The following NRG3 variants were observed in gnomAD, a reference collection of about 807,000 sequenced individuals.
NRG3 encodes pro-neuregulin-3, membrane-bound isoform.
In NRG3, 31 loss-of-function variants were observed where a neutral mutation model predicts 66.9. The ratio of observed to expected loss-of-function variants is 0.46; its 90% confidence interval spans 0.35 to 0.63. The LOEUF (loss-of-function observed/expected upper bound fraction) is 0.63. Ranked by LOEUF, NRG3 falls within the 20% of genes least tolerant of loss-of-function variation. The pLI is 0.00. For missense variants in NRG3, 910 were observed against 878.9 expected (o/e 1.04, Z -0.45); for synonymous variants, 393 against 359.4 (o/e 1.09, Z -1.06).
At chr10:82,097,383 C>G (rs930556403) in intron 1 of NRG3, among the ~76,000 whole-genome samples, 1 of 146,832 alleles carries the variant, frequency 6.8e-6, no homozygotes, top group Non-Finnish European at 1.5e-5. Context: ...CACACACACA[C>G]ACACACACAC....
chr10:82,008,790 A>G (rs1052536163), intron 1 of NRG3, among the ~76,000 whole-genome samples: 1 of 152,208 alleles, frequency 6.6e-6, no homozygotes, highest in Non-Finnish European at 1.5e-5. Flanking sequence ...TGGACCCACT[A>G]ACATCACCAG....
At chr10:81,890,912 T>A (rs546694340) in intron 1 of NRG3, among the ~76,000 whole-genome samples, 5 of 152,194 alleles carry the variant, frequency 3.3e-5, no homozygotes, top group African/African-American at 1.2e-4. Flanking sequence ...TTCTCACATT[T>A]CCCCAGATGT....
At chr10:82,648,174 T>C (rs994070948) in intron 2 of NRG3, among the ~76,000 whole-genome samples, 7 of 152,206 alleles carry the variant, frequency 4.6e-5, no homozygotes, top group African/African-American at 1.7e-4. Context: ...CTTGAATTCA[T>C]TTTTGTGTAA....
At chr10:82,101,427 T>C (rs747820545) in intron 1 of NRG3, among the ~76,000 whole-genome samples, 8 of 151,842 alleles carry the variant, frequency 5.3e-5, no homozygotes, top group Non-Finnish European at 1.2e-4. Context: ...GACAGTAGCT[T>C]AGGTTATTTA....
intron 1 of NRG3, among the ~76,000 whole-genome samples, chr10:82,200,839 T>C (rs2074765330): frequency 6.6e-6 from 1 of 152,180 alleles, no homozygotes; most frequent in African/African-American, 2.4e-5. Flanking sequence ...CTATTGCCAC[T>C]GAAGAAGAAA....
At position 82,987,126 on chromosome 10, in the gene NRG3, T is replaced by A. The variant is rs530856713; in HGVS notation, c.*1521T>A. On this transcript the variant is annotated 3_prime_UTR_variant, in exon 9 of 9. Coordinates refer to ENST00000372141, the MANE Select transcript of NRG3 (RefSeq NM_001010848.4). ...GTCTTTTTCCAATTATTGGTGGTGT[T>A]GAGTTGTTATGTTTACACTGTTTTA... The A allele has an allele frequency of 1.3e-5, 2 of 152,300 alleles. No homozygotes were observed. The highest frequency in any genetic ancestry group is 4.8e-5 in the African/African-American group (2 of 41,576). The allele number at this position is 152,300 out of a possible 1,614,324, so 9.4% of individuals were successfully genotyped here. A position where few individuals can be genotyped will look rare whatever the true frequency, so the allele number is the denominator to read the frequency against.
intron 2 of NRG3, among the ~76,000 whole-genome samples, chr10:82,578,712 A>G (rs1486926034): frequency 2.0e-5 from 3 of 151,778 alleles, no homozygotes; most frequent in East Asian, 1.9e-4. Context: ...ACTGGTGCCT[A>G]ATGGGACAAC....
chr10:81,967,484 GTA>G (rs1267951031), intron 1 of NRG3, among the ~76,000 whole-genome samples: 1 of 151,818 alleles, frequency 6.6e-6, no homozygotes, highest in African/African-American at 2.4e-5. Flanking sequence ...TTTGAAAAAA[GTA>G]TGTATTTTCA....
intron 1 of NRG3, among the ~76,000 whole-genome samples, chr10:82,069,492 A>G (rs985143176): frequency 1.3e-5 from 2 of 152,120 alleles, no homozygotes; most frequent in Non-Finnish European, 2.9e-5. Context: ...CTCCTTTTTA[A>G]TAAGTGAGAA....
chr10:82,199,348 A>T (rs2074644873), intron 1 of NRG3, among the ~76,000 whole-genome samples: 1 of 152,112 alleles, frequency 6.6e-6, no homozygotes, highest in Non-Finnish European at 1.5e-5. Context: ...TGCAACCTGG[A>T]AGCTTCTCTC....
At chr10:82,388,491 C>T (rs1220543088) in intron 2 of NRG3, among the ~76,000 whole-genome samples, 1 of 151,914 alleles carries the variant, frequency 6.6e-6, no homozygotes, top group Middle Eastern at 3.2e-3. Context: ...CCTGGATTTC[C>T]CTTTAAAAAT....
chr10:82,519,610 G>T (rs914083610), intron 2 of NRG3, among the ~76,000 whole-genome samples: 2 of 152,050 alleles, frequency 1.3e-5, no homozygotes, highest in Admixed American at 1.3e-4. Flanking sequence ...CTCTCTTCTG[G>T]GCTCTGTTTT....
chr10:82,135,684 T>TA (rs1392841361), intron 1 of NRG3, among the ~76,000 whole-genome samples: 2 of 152,150 alleles, frequency 1.3e-5, no homozygotes, highest in African/African-American at 4.8e-5. Context: ...TCTTGATTTT[T>TA]AAAAATGATT....
intron 1 of NRG3, among the ~76,000 whole-genome samples, chr10:82,086,568 A>G (rs2065736330): frequency 6.6e-6 from 1 of 152,120 alleles, no homozygotes; most frequent in Admixed American, 6.5e-5. Context: ...GTCTTGAACC[A>G]GTATAATCCC....
chr10:82,486,161 G>T (rs1467818303), intron 2 of NRG3, among the ~76,000 whole-genome samples: 1 of 152,172 alleles, frequency 6.6e-6, no homozygotes, highest in Non-Finnish European at 1.5e-5. Context: ...AATAACAAGT[G>T]TTGGAGAGAG....
At chr10:82,551,542 A>G (rs1415306588) in intron 2 of NRG3, among the ~76,000 whole-genome samples, 1 of 152,060 alleles carries the variant, frequency 6.6e-6, no homozygotes, top group Admixed American at 6.6e-5. Flanking sequence ...TTGGTTATAC[A>G]GCAGACTAGA....
chr10:82,144,745 C>G (rs1009383367), intron 1 of NRG3, among the ~76,000 whole-genome samples: 2 of 152,114 alleles, frequency 1.3e-5, no homozygotes, highest in East Asian at 3.9e-4. Context: ...ATTCCACCAC[C>G]AACAATCTGT....
intron 1 of NRG3, among the ~76,000 whole-genome samples, chr10:82,281,797 T>C (rs1051884793): frequency 6.6e-6 from 1 of 152,186 alleles, no homozygotes; most frequent in Non-Finnish European, 1.5e-5. Context: ...GGACTTTGTA[T>C]TTCCCTTGCC....
chr10:82,565,912 A>G (rs2133065257), intron 2 of NRG3, among the ~76,000 whole-genome samples: 1 of 152,236 alleles, frequency 6.6e-6, no homozygotes, highest in East Asian at 1.9e-4. Flanking sequence ...GTCGCATGAT[A>G]CAGACTTTAA....
Sources: allele counts gnomAD v4.1 joint callset (sites outside exome capture counted in the v4.1 genomes callset), GRCh38; gene constraint gnomAD v4.1.1; transcripts MANE v1.5; gene names NCBI Gene and HGNC (gene_info 2026-07-23, HGNC 2026-07-21).